PODN: variants seen among roughly 807,000 people sequenced by gnomAD.
PODN encodes the protein podocan.
In PODN, 40 loss-of-function variants were observed where a neutral mutation model predicts 52.7. The ratio of observed to expected loss-of-function variants is 0.76; its 90% CI spans 0.59 to 0.99. The LOEUF is 0.99. PODN is among the 50% of genes least tolerant of loss of function. The probability of loss-of-function intolerance (pLI) is 0.00; values close to 1 mark genes in which losing one functional copy is unlikely to be tolerated. For missense variants in PODN, 720 were observed against 815.1 expected, an observed-to-expected ratio of 0.88 and a Z score of 1.42; for synonymous variants, 396 against 377.9, an observed-to-expected ratio of 1.05 and a Z score of -0.56.
intron 2 of PODN, among the ~76,000 whole-genome samples, chr1:53,070,519 A>T (rs1235268749): frequency 6.6e-6 from 1 of 152,258 alleles, no homozygotes; most frequent in Non-Finnish European, 1.5e-5. Flanking sequence ...TTACACGGTC[A>T]GGAAAACCAG....
At chr1:53,075,780 C>T (rs1644184911) in intron 4 of PODN, 82 bp from the exon 5 acceptor site, 17 of 1,208,650 alleles carry the variant, frequency 1.4e-5, no homozygotes, top group Non-Finnish European at 7.2e-6. Flanking sequence ...GTGAAGGGGC[C>T]CCGGTGGGCA....
Position 53,069,814 on chromosome 1 carries a change from T to C in PODN, c.-42T>C, listed in dbSNP as rs1281999274. On this transcript the variant is annotated 5_prime_UTR_variant, in exon 2 of 11. Transcript: ENST00000312553. The stretch of plus-strand genomic sequence containing the variant: ...TGTACCTCACAGGTTCCGTCAGCCC[T>C]GGCGCCCAGGCGCATCTGACTCGGC... 6.3e-7 allele frequency: 1 copy of C among 1,581,956 alleles called. No individual in the cohort carries two copies. Among genetic ancestry groups the C allele is most frequent in the South Asian group, 1.2e-5 (1 of 86,892 alleles).
At chr1:53,068,069 C>T (rs1207253132) in intron 1 of PODN, among the ~76,000 whole-genome samples, 1 of 152,064 alleles carries the variant, frequency 6.6e-6, no homozygotes, top group Non-Finnish European at 1.5e-5. Context: ...GAAAAGCTAA[C>T]GTTTACTGAG....
intron 1 of PODN, 45 bp from the exon 2 acceptor site, chr1:53,069,756 G>T (rs1298169479): frequency 6.5e-7 from 1 of 1,527,614 alleles, no homozygotes; most frequent in South Asian, 1.2e-5. Context: ...GGAGGGCCCC[G>T]TCATGACTTT....
At chr1:53,065,045 T>C (rs1644011360) in intron 1 of PODN, among the ~76,000 whole-genome samples, 1 of 152,176 alleles carries the variant, frequency 6.6e-6, no homozygotes, top group Non-Finnish European at 1.5e-5. Flanking sequence ...AGAAGGGGCC[T>C]TGGGGGGCTT....
Position 53,080,793 on chromosome 1 carries a change from C to G in PODN, c.1578C>G (p.Tyr526Ter). 7 of 1,614,130 alleles carry G rather than the reference C, an allele frequency of 4.3e-6. No homozygotes were observed. The highest frequency in any genetic ancestry group is 5.9e-6 in the Non-Finnish European group (7 of 1,180,042). ...IPEGLPESLE[Y>*]LYLQNNKISA... is the part of the protein sequence containing the mutation. ...AGGGGCTCCCCGAGTCACTTGAGTA[C>G]CTGTACCTGCAGAACAACAAGATTA... Residue 526 changes from tyrosine (Y) to a stop codon, truncating the protein, a stop_gained, in exon 9 of 11, where the codon TAC (tyrosine) becomes TAG (stop). Transcript: ENST00000312553. LOFTEE classifies it high-confidence loss of function.
chr1:53,071,372 G>A (rs1644114306), intron 2 of PODN, 163 bp from the exon 3 acceptor site: 1 of 630,864 alleles, frequency 1.6e-6, no homozygotes, highest in Non-Finnish European at 2.8e-6. Flanking sequence ...TGCAGACCTG[G>A]CCCAGAGCTG....
intron 1 of PODN, among the ~76,000 whole-genome samples, chr1:53,067,666 C>T (rs887903478): frequency 2.6e-5 from 4 of 152,126 alleles, no homozygotes; most frequent in African/African-American, 2.4e-5. Flanking sequence ...CCTGTAATCT[C>T]AGCACTTTGG....
At chr1:53,083,784 G>A (rs998833960) in intron 10 of PODN, among the ~76,000 whole-genome samples, 1 of 152,166 alleles carries the variant, frequency 6.6e-6, no homozygotes, top group Non-Finnish European at 1.5e-5. Context: ...GGGCTGGTGG[G>A]CAGGGACTCA....
chr1:53,078,292 C>T, intron 7 of PODN, 73 bp from the exon 8 acceptor site: 1 of 1,449,138 alleles, frequency 6.9e-7, no homozygotes, highest in Non-Finnish European at 9.5e-7. Context: ...CCAGCCACAT[C>T]TCTTGGGAAT....
chr1:53,074,366 C>T (rs1644162280), intron 3 of PODN, among the ~76,000 whole-genome samples: 2 of 152,238 alleles, frequency 1.3e-5, no homozygotes, highest in African/African-American at 4.8e-5. Flanking sequence ...GTCATCCCCA[C>T]TCAGAGCGAG....
At chr1:53,075,023 C>T (rs1458824778) in intron 4 of PODN, among the ~76,000 whole-genome samples, 1 of 152,062 alleles carries the variant, frequency 6.6e-6, no homozygotes, top group Admixed American at 6.5e-5. Flanking sequence ...GGGTGGGGGG[C>T]ACTGCAGTAG....
rs566982123 is a variant in PODN at position 53,079,569 on chromosome 1, T to C, written c.1512+547T>C. Among the ~76,000 whole-genome samples, 7 of 152,072 alleles carry C rather than the reference T, an allele frequency of 4.6e-5. No individual in the cohort carries two copies. In the East Asian group the frequency reaches 1.4e-3, roughly 29 times the overall value. ...TCACCAGTCTGCAGAGGGCTGGAGG[T>C]GGGGATCTACTCATGCTTTCTGAGG... On this transcript the variant is annotated intron_variant, in intron 8 of 10. Coordinates refer to ENST00000312553, the MANE Select transcript of PODN (RefSeq NM_153703.5).
In PODN at chr1:53,074,644, A is replaced by G; in HGVS notation, c.445A>G (p.Asn149Asp). The change falls in exon 4 of 11, where the codon AAT becomes GAT. Residue 149 changes from asparagine (N) to aspartate (D), a missense_variant. Coordinates refer to ENST00000312553, the MANE Select transcript of PODN (RefSeq NM_153703.5). ...GGCGTTTGAGCATCTGACCAACCTC[A>G]ATTACCTGTACTTGGCCAATAACAA... The part of the protein sequence containing the change: ...EKAFEHLTNL[N>D]YLYLANNKLT... 6.2e-7 allele frequency: 1 copy of G among 1,613,956 alleles called. No homozygotes were observed. The highest frequency in any genetic ancestry group is 8.5e-7 in the Non-Finnish European group (1 of 1,179,976).
intron 4 of PODN, among the ~76,000 whole-genome samples, chr1:53,075,565 A>G (rs992284967): frequency 3.3e-5 from 5 of 152,314 alleles, no homozygotes; most frequent in African/African-American, 7.2e-5. Flanking sequence ...TTTGGCTAAG[A>G]TCAGGTGTAA....
intron 5 of PODN, among the ~76,000 whole-genome samples, chr1:53,076,728 GA>G (rs1240228041): frequency 6.6e-5 from 10 of 151,766 alleles, no homozygotes. Context: ...TATATTTGCT[GA>G]ATGGATGAGG....
chr1:53,072,485 A>T (rs1348115527), intron 3 of PODN, among the ~76,000 whole-genome samples: 1 of 152,198 alleles, frequency 6.6e-6, no homozygotes, highest in Non-Finnish European at 1.5e-5. Context: ...AGGCAGAAAA[A>T]AGTTAAATTA....
rs1330769321 is a variant in PODN at position 53,069,816 on chromosome 1, G to C, written c.-40G>C. 3 of 1,581,642 alleles carry C rather than the reference G, an allele frequency of 1.9e-6. No homozygotes were observed. The highest frequency in any genetic ancestry group is 3.6e-5 in the Admixed American group (2 of 55,922). ...TACCTCACAGGTTCCGTCAGCCCTG[G>C]CGCCCAGGCGCATCTGACTCGGCAC... On this transcript the variant is annotated 5_prime_UTR_variant, in exon 2 of 11. Coordinates refer to ENST00000312553, the MANE Select transcript of PODN (RefSeq NM_153703.5).
rs779904596 is a variant in PODN at position 53,070,123 on chromosome 1, T to A, written c.268T>A (p.Phe90Ile). 1.4e-5 allele frequency: 23 copies of A among 1,611,380 alleles called. No homozygotes were observed. The highest frequency in any genetic ancestry group is 2.2e-5 in the East Asian group (1 of 44,848). The change falls in exon 2 of 11, where the codon TTC becomes ATC. Residue 90 changes from phenylalanine (F) to isoleucine (I), a missense_variant. Transcript: ENST00000312553. ...CTGTGGCGGTATTGACCTGCGTGAG[T>A]TCCCGGGGGACCTGCCTGAGCACAC... is the stretch of plus-strand genomic sequence containing the variant. ...VDCGGIDLRE[F>I]PGDLPEHTNH... is the part of the protein sequence containing the mutation.
Sources: allele counts gnomAD v4.1 joint callset (sites outside exome capture counted in the v4.1 genomes callset), GRCh38; gene constraint gnomAD v4.1.1; transcripts MANE v1.5; gene names NCBI Gene and HGNC (gene_info 2026-07-23, HGNC 2026-07-21).